Variants in KLF8 observed in about 807,000 individuals in gnomAD.
KLF8 encodes Krueppel-like factor 8.
KLF8 carries 10 observed loss-of-function variants against 18.2 expected under a neutral mutation model. The observed-to-expected ratio is 0.55, with a 90% CI of 0.34 to 0.93. KLF8 has a LOEUF of 0.93. Ranked by LOEUF, KLF8 falls within the 40% of genes least tolerant of loss-of-function variation. KLF8 has a pLI of 0.02. For missense variants in KLF8, 264 were observed against 277.9 expected, an observed-to-expected ratio of 0.95 and a Z score of 0.36; for synonymous variants, 109 against 97.3, an observed-to-expected ratio of 1.12 and a Z score of -0.71.
At chrX:56,254,638 G>A (rs754519164) in intron 2 of KLF8, among the ~76,000 whole-genome samples, 8 of 110,910 alleles carry the variant, frequency 7.2e-5, no homozygotes, top group African/African-American at 2.6e-4. Context: ...GCTATCAGTG[G>A]GAGGGGGAGC....
At chrX:56,232,280 T>C (rs1451190080), upstream of KLF8, 1 of 111,590 alleles carries the variant, frequency 9.0e-6, no homozygotes, top group Non-Finnish European at 1.9e-5. Context: ...AGGCCAGCTC[T>C]GTCGGCCCAG....
chrX:56,061,235 T>C, the KLF8 span, among the ~76,000 whole-genome samples: 9 of 111,755 alleles, frequency 8.1e-5, no homozygotes, highest in Non-Finnish European at 3.8e-5. Context: ...CTTGCTTCTC[T>C]AGTTCTTTTA....
the KLF8 span, among the ~76,000 whole-genome samples, chrX:56,032,941 C>G: frequency 1.8e-5 from 2 of 112,059 alleles, no homozygotes; most frequent in Non-Finnish European, 3.8e-5. Context: ...TAAAATTTCT[C>G]AGTCCTACCA....
chrX:56,121,673 T>C, the KLF8 span, among the ~76,000 whole-genome samples: 2 of 112,657 alleles, frequency 1.8e-5, no homozygotes, highest in African/African-American at 6.4e-5. Context: ...GAACTTTAGA[T>C]TCAAATAAAG....
chrX:56,050,574 G>A, the KLF8 span, among the ~76,000 whole-genome samples: 1 of 111,942 alleles, frequency 8.9e-6, no homozygotes, highest in East Asian at 2.8e-4. Flanking sequence ...GTAGTTGTGT[G>A]GTTTTCAGTG....
At chrX:56,097,332 C>T in the KLF8 span, among the ~76,000 whole-genome samples, 24 of 106,501 alleles carry the variant, frequency 2.3e-4, no homozygotes, top group Admixed American at 6.1e-4. Flanking sequence ...ATTTCTACAC[C>T]CTTTCTTTCT....
chrX:56,031,757 G>A, the KLF8 span, among the ~76,000 whole-genome samples: 4 of 111,397 alleles, frequency 3.6e-5, no homozygotes, highest in Non-Finnish European at 7.5e-5. Flanking sequence ...CACAGACACC[G>A]AGGTAGTGAA....
chrX:56,000,321 C>T, the KLF8 span, among the ~76,000 whole-genome samples: 3 of 109,479 alleles, frequency 2.7e-5, no homozygotes, highest in Non-Finnish European at 5.7e-5. Flanking sequence ...TGTGTCCTTT[C>T]CTGGCTTGGT....
At chrX:56,115,101 A>ATTAT in the KLF8 span, among the ~76,000 whole-genome samples, 35 of 111,267 alleles carry the variant, frequency 3.1e-4, no homozygotes, top group East Asian at 8.4e-4. Flanking sequence ...TTCTCTTAAA[A>ATTAT]TTATTTATTT....
At chrX:55,982,015 A>G in the KLF8 span, among the ~76,000 whole-genome samples, 1 of 110,735 alleles carries the variant, frequency 9.0e-6, no homozygotes, top group Non-Finnish European at 1.9e-5. Context: ...AAGAGCAAGA[A>G]GGGCCATAAT....
the KLF8 span, among the ~76,000 whole-genome samples, chrX:56,215,059 T>C: frequency 2.7e-5 from 3 of 112,320 alleles, no homozygotes; most frequent in African/African-American, 9.7e-5. Flanking sequence ...ATGAGTCTTT[T>C]GCAGACAGTG....
chrX:56,093,630 AAAAT>A, the KLF8 span, among the ~76,000 whole-genome samples: 2 of 110,881 alleles, frequency 1.8e-5, no homozygotes, highest in Middle Eastern at 4.6e-3. Flanking sequence ...TATTAGAGGA[AAAAT>A]AAATAAAATA....
chrX:55,923,840 T>A, the KLF8 span, among the ~76,000 whole-genome samples: 1 of 110,169 alleles, frequency 9.1e-6, no homozygotes, highest in Non-Finnish European at 1.9e-5. Context: ...TGGGTTTGGA[T>A]TCAGCAAATA....
chrX:55,957,788 G>A, the KLF8 span, among the ~76,000 whole-genome samples: 1 of 111,037 alleles, frequency 9.0e-6, no homozygotes. Context: ...ATATTTCTAT[G>A]CAGAATATTA....
At chrX:56,075,694 T>A in the KLF8 span, among the ~76,000 whole-genome samples, 1 of 111,644 alleles carries the variant, frequency 9.0e-6, no homozygotes, top group Non-Finnish European at 1.9e-5. Context: ...CTGGTAACCG[T>A]CCTTATACTC....
intron 1 of KLF8, chrX:56,243,327 A>G (rs950412528): frequency 3.0e-6 from 1 of 337,929 alleles, no homozygotes; most frequent in African/African-American, 2.7e-5. Flanking sequence ...ACCTTTCAAC[A>G]CTGTCTTCTT....
the KLF8 span, among the ~76,000 whole-genome samples, chrX:56,140,054 A>G: frequency 8.9e-6 from 1 of 112,312 alleles, no homozygotes; most frequent in Non-Finnish European, 1.9e-5. Flanking sequence ...AACCACGAAT[A>G]GATGCCATCT....
At chrX:55,941,280 T>C in the KLF8 span, among the ~76,000 whole-genome samples, 1 of 112,372 alleles carries the variant, frequency 8.9e-6, no homozygotes, top group African/African-American at 3.2e-5. Flanking sequence ...AAGGATTCCC[T>C]ATTTAATAAA....
chrX:56,240,713 G>C (rs2066532841), intron 1 of KLF8, among the ~76,000 whole-genome samples: 1 of 111,039 alleles, frequency 9.0e-6, no homozygotes, highest in African/African-American at 3.3e-5. Context: ...CAAAGTACAG[G>C]GTAGTAGCAA....
Sources: gnomAD v4.1 joint callset for allele counts (sites outside exome capture counted in the v4.1 genomes callset) on GRCh38, gnomAD v4.1.1 for gene constraint, MANE v1.5 for transcripts, NCBI Gene and HGNC (gene_info 2026-07-23, HGNC 2026-07-21) for gene names.